The following NR2F1 variants were observed in gnomAD, a reference collection of about 807,000 sequenced individuals.
NR2F1 encodes the protein nuclear receptor subfamily 2 group F member 1.
NR2F1 carries 1 observed loss-of-function variant against 37.7 expected under a neutral mutation model. The ratio of observed to expected loss-of-function variants is 0.03; its 90% confidence interval spans 0.01 to 0.13. The LOEUF is 0.13. Ranked by LOEUF, NR2F1 falls within the 10% of genes least tolerant of loss-of-function variation. The pLI, the probability that NR2F1 is intolerant of heterozygous loss-of-function variation, is 1.00. For synonymous variants in NR2F1, 275 were observed against 259.6 expected, an observed-to-expected ratio of 1.06 and a Z score of -0.57; for missense variants, 268 against 578.4, an observed-to-expected ratio of 0.46 and a Z score of 5.50.
chr5:93,588,541 T>C (rs1753272534), intron 2 of NR2F1, 97 bp downstream of exon 2: 3 of 854,026 alleles, frequency 3.5e-6, no homozygotes, highest in African/African-American at 1.8e-5. Context: ...GCGCGGCCGG[T>C]GCGGGGCGGG....
Position 93,585,249 on chromosome 5 carries a change from G to C in NR2F1, c.226G>C (p.Gly76Arg), listed in dbSNP as rs776195820. ...TAGDKGQGPP[G>R]SGQSQQHIEC... ...GGGGGACAAGGGCCAGGGCCCGCCC[G>C]GTTCGGGCCAGAGCCAGCAGCACAT... is the stretch of plus-strand genomic sequence containing the variant. Residue 76 changes from glycine to arginine, a missense_variant, in exon 1 of 3, where the codon GGT (glycine) becomes CGT (arginine). Gly to Arg is a moderately radical substitution (Grantham distance 125). Coordinates refer to ENST00000327111, the MANE Select transcript of NR2F1 (RefSeq NM_005654.6). 1 of 1,569,978 alleles carries C rather than the reference G, an allele frequency of 6.4e-7. No homozygotes were observed. The highest frequency in any genetic ancestry group is 8.6e-7 in the Non-Finnish European group (1 of 1,157,932).
In NR2F1 at chr5:93,584,724, G is replaced by C. The variant is rs1430195742; in HGVS notation, c.-300G>C. 6.6e-6 allele frequency: 1 copy of C among 150,678 alleles called. No individual in the cohort carries two copies. Among genetic ancestry groups the C allele is most frequent in the Non-Finnish European group, 1.5e-5 (1 of 67,422 alleles). 9.3% of individuals were successfully genotyped at this position (150,678 alleles called of 1,614,324 possible). ...TTGGGGGGGGAGCCTGAGAGCCTGG[G>C]GGGGCTGCAAAAAGAGAGAAAGAAA... On this transcript the variant is annotated 5_prime_UTR_variant, in exon 1 of 3. Transcript: ENST00000327111.
chr5:93,587,750 C>G (rs1477549642), intron 1 of NR2F1, among the ~76,000 whole-genome samples, 167 bp from the exon 2 acceptor site: 1 of 152,220 alleles, frequency 6.6e-6, no homozygotes, highest in Non-Finnish European at 1.5e-5. Flanking sequence ...AGGGCCTCAC[C>G]CCAGATCTCC....
intron 2 of NR2F1, among the ~76,000 whole-genome samples, chr5:93,590,194 G>C (rs1753307305): frequency 6.6e-6 from 1 of 152,192 alleles, no homozygotes; most frequent in African/African-American, 2.4e-5. Context: ...CAGTGTCAGG[G>C]AAGCTGGGGT....
Position 93,594,241 on chromosome 5 carries a change from A to G in NR2F1, c.*399A>G, listed in dbSNP as rs1457209659. 1.1e-5 allele frequency: 2 copies of G among 175,188 alleles called. No homozygotes were observed. The highest frequency in any genetic ancestry group is 4.8e-5 in the African/African-American group (2 of 42,046). The allele number at this position is 175,188 out of a possible 1,614,324, so 10.9% of individuals were successfully genotyped here. On this transcript the variant is annotated 3_prime_UTR_variant, in exon 3 of 3. Coordinates refer to ENST00000327111, the MANE Select transcript of NR2F1 (RefSeq NM_005654.6). ...TATATTCTGTACAGGAACAACACAT[A>G]TGGAAGTGGACTGAAGCCTATGTAG...
rs1753160663 is a variant in NR2F1 at position 93,583,342 on chromosome 5, T to C, written c.-1682T>C. The C allele has an allele frequency of 6.9e-6, 1 of 145,702 alleles. No homozygotes were observed. The highest frequency in any genetic ancestry group is 1.5e-5 in the Non-Finnish European group (1 of 66,126). The allele number at this position is 145,702 out of a possible 1,614,324, so 9.0% of individuals were successfully genotyped here. ...TCTCTCTCCTCTCTCTCTCTCCTCT[T>C]TCTCCCCCCTCTCTCCCTCCTCTCC... On this transcript the variant is annotated 5_prime_UTR_variant, in exon 1 of 3. Coordinates refer to ENST00000327111, the MANE Select transcript of NR2F1 (RefSeq NM_005654.6).
chr5:93,588,919 C>T (rs774088135), intron 2 of NR2F1, among the ~76,000 whole-genome samples: 4 of 152,094 alleles, frequency 2.6e-5, no homozygotes, highest in African/African-American at 4.8e-5. Context: ...GCTTCTTACC[C>T]TGTGTGGCAC....
chr5:93,588,459 G>GA lies in NR2F1; in HGVS notation c.991+15_991+16insA. On this transcript the variant is annotated intron_variant, in intron 2 of 2. Coordinates refer to ENST00000327111, the MANE Select transcript of NR2F1 (RefSeq NM_005654.6). Reference sequence around the variant, plus strand: ...GTTCACGTCAGGTGAGGCTGCGGTCGCGGGGAGGGCAGGCCGCGCCGGCAG... The same window carrying GA: ...GTTCACGTCAGGTGAGGCTGCGGTCGACGGGGAGGGCAGGCCGCGCCGGCAG... 1.3e-6 allele frequency: 2 copies of GA among 1,534,448 alleles called. No individual in the cohort carries two copies. The highest frequency in any genetic ancestry group is 1.9e-5 in the Admixed American group (1 of 51,774).
chr5:93,588,369 G>A lies in NR2F1; in HGVS notation c.916G>A (p.Val306Met), dbSNP rs2149943146. ...MDHIRIFQEQ[V>M]EKLKALHVDS... ...CCACATCCGCATCTTCCAGGAGCAG[G>A]TGGAGAAGCTCAAGGCGCTACACGT... Residue 306 changes from valine to methionine, a missense_variant, in exon 2 of 3, where the codon GTG becomes ATG. Val to Met is a conservative substitution (Grantham distance 21). Coordinates refer to ENST00000327111, the MANE Select transcript of NR2F1 (RefSeq NM_005654.6). 2 of 1,613,052 alleles carry A rather than the reference G, an allele frequency of 1.2e-6. No individual in the cohort carries two copies. The highest frequency in any genetic ancestry group is 1.7e-6 in the Non-Finnish European group (2 of 1,179,848).
rs749552272 is a variant in NR2F1, at chr5:93,583,296, T to TC, written c.-1728_-1727insC. ...GTCTCTCTCTCTCTCTCTCTCTCTC[T>TC]TCTTCTCTTCTCTCTCTCTCTCTCT... On this transcript the variant is annotated 5_prime_UTR_variant, in exon 1 of 3. Transcript: ENST00000327111. The TC allele has an allele frequency of 1.7e-4, 25 of 147,072 alleles. No individual in the cohort carries two copies. The highest frequency in any genetic ancestry group is 8.3e-4 in the Admixed American group (12 of 14,520). 9.1% of individuals were successfully genotyped at this position (147,072 alleles called of 1,614,324 possible). A position where few individuals can be genotyped will look rare whatever the true frequency, so the allele number is the denominator to read the frequency against.
chr5:93,588,293 C>T lies in NR2F1; in HGVS notation c.840C>T (p.Ala280=), dbSNP rs898140239. The change falls in exon 2 of 3, where the codon GCC becomes GCT. Residue 280 remains alanine, a synonymous_variant. Transcript: ENST00000327111. The stretch of plus-strand genomic sequence containing the variant: ...ACGTGGCGCCGTTGCTGGCCGCCGC[C>T]GGCCTGCATGCCTCGCCCATGTCTG... The part of the protein sequence containing the change: ...PLHVAPLLAA[A]GLHASPMSAD... 5.0e-6 allele frequency: 8 copies of T among 1,613,146 alleles called. No individual in the cohort carries two copies. The African/African-American group carries it at 8.0e-5, about 16-fold the overall frequency.
chr5:93,588,515 G>A, intron 2 of NR2F1, 71 bp downstream of exon 2: 1 of 1,125,190 alleles, frequency 8.9e-7, no homozygotes, highest in East Asian at 4.1e-5. Context: ...CCCGGGCCTG[G>A]CCTTCGGAGC....
Position 93,583,793 on chromosome 5 carries a change from C to T in NR2F1, c.-1231C>T, listed in dbSNP as rs1753172672. On this transcript the variant is annotated 5_prime_UTR_variant, in exon 1 of 3. Transcript: ENST00000327111. ...TTCGACCTACTTTGGATGTCTCTCT[C>T]GCTTTTCCTTTTTCCTTTTTTTGGC... The T allele has an allele frequency of 6.6e-6, 1 of 152,182 alleles. No homozygotes were observed. Among genetic ancestry groups the T allele is most frequent in the Admixed American group, 6.5e-5 (1 of 15,268 alleles). The allele number at this position is 152,182 out of a possible 1,614,324, so 9.4% of individuals were successfully genotyped here.
rs549312192 is a variant in NR2F1, at chr5:93,584,532, C to T, written c.-492C>T. On this transcript the variant is annotated 5_prime_UTR_variant, in exon 1 of 3. Transcript: ENST00000327111. ...GCCCGCCGCCCCCGGCGCTGCGCCC[C>T]GCGCCGCTCCCGGCTGCCGCCTGTG... is the stretch of plus-strand genomic sequence containing the variant. The T allele has an allele frequency of 6.7e-6, 1 of 149,162 alleles. No individual in the cohort carries two copies. The highest frequency in any genetic ancestry group is 1.5e-5 in the Non-Finnish European group (1 of 67,078). 9.2% of individuals were successfully genotyped at this position (149,162 alleles called of 1,614,324 possible).
At chr5:93,592,674 C>T (rs1258594975) in intron 2 of NR2F1, among the ~76,000 whole-genome samples, 4 of 115,402 alleles carry the variant, frequency 3.5e-5, no homozygotes, top group East Asian at 3.2e-4. Context: ...CCACCCACAT[C>T]CCCCCCTACC....
Position 93,593,741 on chromosome 5 carries a change from G to T in NR2F1, c.1171G>T (p.Val391Phe). 1 of 1,614,170 alleles carries T rather than the reference G, an allele frequency of 6.2e-7. No homozygotes were observed. Among genetic ancestry groups the T allele is most frequent in the Non-Finnish European group, 8.5e-7 (1 of 1,180,032 alleles). ...SSSVIEQLFF[V>F]RLVGKTPIET... Reference sequence around the variant, plus strand: ...CTCCGTCATCGAGCAGCTCTTCTTCGTCCGTTTGGTAGGTAAAACCCCCAT... The same window carrying T: ...CTCCGTCATCGAGCAGCTCTTCTTCTTCCGTTTGGTAGGTAAAACCCCCAT... The change falls in exon 3 of 3, where the codon GTC (valine) becomes TTC (phenylalanine). Residue 391 changes from valine to phenylalanine, a missense_variant. Around this residue, in one of 5 missense-constraint regions of NR2F1, gnomAD observed 99 missense variants for 191.9 expected, o/e 0.52. Coordinates refer to ENST00000327111, the MANE Select transcript of NR2F1 (RefSeq NM_005654.6). The surrounding 1 kb of genome is among the most constrained non-coding windows in gnomAD (Gnocchi z 5.6).
In NR2F1 at chr5:93,593,439, A is replaced by T; in HGVS notation, c.992-123A>T. The T allele has an allele frequency of 9.7e-7, 1 of 1,027,332 alleles. No homozygotes were observed. The highest frequency in any genetic ancestry group is 1.6e-5 in the African/African-American group (1 of 62,480). 63.6% of individuals were successfully genotyped at this position (1,027,332 alleles called of 1,614,324 possible). A position where few individuals can be genotyped will look rare whatever the true frequency, so the allele number is the denominator to read the frequency against. On this transcript the variant is annotated intron_variant, in intron 2 of 2. Coordinates refer to ENST00000327111, the MANE Select transcript of NR2F1 (RefSeq NM_005654.6). This position sits in a 1 kb window ranked among gnomAD's most constrained non-coding sequence, Gnocchi z 5.6. ...AGGGTGAATTTTTCTTTTCTCTTTT[A>T]CTTCTTTTTTATTTTCCATTTTCTC... is the stretch of plus-strand genomic sequence containing the variant.
intron 2 of NR2F1, among the ~76,000 whole-genome samples, chr5:93,592,813 A>C (rs1401633419): frequency 6.6e-5 from 10 of 151,972 alleles, no homozygotes; most frequent in African/African-American, 2.4e-4. Context: ...CAGCTTACAG[A>C]GATGTGACCA....
At position 93,583,268 on chromosome 5, in the gene NR2F1, T is replaced by G. The variant is rs1326202848; in HGVS notation, c.-1756T>G. ...CTCCCGTTTAAACGCATTCAATTTT[T>G]GGGTCTCTCTCTCTCTCTCTCTCTC... On this transcript the variant is annotated 5_prime_UTR_variant, in exon 1 of 3. Transcript: ENST00000327111. 3 of 148,978 alleles carry G rather than the reference T, an allele frequency of 2.0e-5. No individual in the cohort carries two copies. The highest frequency in any genetic ancestry group is 2.0e-4 in the East Asian group (1 of 4,944). The allele number at this position is 148,978 out of a possible 1,614,324, so 9.2% of individuals were successfully genotyped here. A position where few individuals can be genotyped will look rare whatever the true frequency, so the allele number is the denominator to read the frequency against.
Sources: allele counts gnomAD v4.1 joint callset (sites outside exome capture counted in the v4.1 genomes callset), GRCh38; gene constraint gnomAD v4.1.1; regional missense constraint gnomAD v4.1.1; non-coding constraint Gnocchi (gnomAD v3.1); transcripts MANE v1.5; gene names NCBI Gene and HGNC (gene_info 2026-07-23, HGNC 2026-07-21).